The following MARCHF1 variants were observed in gnomAD, a reference collection of about 807,000 sequenced individuals.
MARCHF1 encodes membrane associated ring-CH-type finger 1.
In MARCHF1, 40 loss-of-function variants were observed where a neutral mutation model predicts 54.2. The ratio of observed to expected loss-of-function variants is 0.74; its 90% CI spans 0.57 to 0.96. The LOEUF (loss-of-function observed/expected upper bound fraction) is 0.96, where lower values mean the gene tolerates loss of function less well. Ranked by LOEUF, MARCHF1 falls within the 40% of genes least tolerant of loss-of-function variation. The pLI, the probability that MARCHF1 is intolerant of heterozygous loss-of-function variation, is 0.00. For synonymous variants in MARCHF1, 236 were observed against 236.3 expected (o/e 1.00, Z 0.01); for missense variants, 586 against 656.5 (o/e 0.89, Z 1.17).
At position 163,993,532 on chromosome 4, in the gene MARCHF1, G is replaced by A. The variant is rs539579046; in HGVS notation, c.-247-4823C>T. On this transcript the variant is annotated intron_variant, in intron 2 of 9. Transcript: ENST00000514618. ...TTGGCCACATATATTTTCTGAAGTT[G>A]AGCAGATTACAACATAGCCAAGACA... Among the ~76,000 whole-genome samples the A allele has an allele frequency of 2.0e-5, 3 of 152,168 alleles. No homozygotes were observed. In the East Asian group the frequency reaches 5.8e-4, roughly 29 times the overall value.
At chr4:164,203,033 G>A (rs963324879) in intron 1 of MARCHF1, among the ~76,000 whole-genome samples, 1 of 151,896 alleles carries the variant, frequency 6.6e-6, no homozygotes, top group Non-Finnish European at 1.5e-5. Flanking sequence ...AGTAGATTGA[G>A]TTTCTGATTT....
At position 163,683,365 on chromosome 4, in the gene MARCHF1, C is replaced by T. The variant is rs374627461; in HGVS notation, c.162+17448G>A. On this transcript the variant is annotated intron_variant, in intron 5 of 9. Transcript: ENST00000514618. ...CATATTCACTATCACAAGAACAGCA[C>T]GGGAAAGACCTGCCCCCATGATTCA... 5.0e-3 allele frequency among the ~76,000 whole-genome samples: 763 copies of T among 152,160 alleles called. 7 individuals carry two copies. The highest frequency in any genetic ancestry group is 0.015 in the African/African-American group (638 of 41,512).
intron 1 of MARCHF1, among the ~76,000 whole-genome samples, chr4:164,236,169 C>T (rs1002594882): frequency 6.6e-5 from 10 of 152,090 alleles, no homozygotes; most frequent in African/African-American, 2.4e-4. Context: ...CTAGTTTATG[C>T]TCTATAAAGC....
intron 5 of MARCHF1, among the ~76,000 whole-genome samples, chr4:163,680,312 AC>A (rs1442172397): frequency 2.0e-5 from 3 of 152,186 alleles, no homozygotes; most frequent in Non-Finnish European, 4.4e-5. Flanking sequence ...CGCTTAACCT[AC>A]CCAGAAAGCC....
intron 1 of MARCHF1, among the ~76,000 whole-genome samples, chr4:164,221,712 C>A (rs1732118179): frequency 1.3e-5 from 2 of 151,898 alleles, no homozygotes; most frequent in African/African-American, 4.8e-5. Context: ...ATACTCTTCC[C>A]TGTTGCCTCA....
intron 3 of MARCHF1, among the ~76,000 whole-genome samples, chr4:163,893,515 A>AT (rs1351101939): frequency 6.6e-6 from 1 of 152,194 alleles, no homozygotes; most frequent in Admixed American, 6.5e-5. Context: ...GTCTCCACTC[A>AT]TAAGATGTGC....
intron 3 of MARCHF1, among the ~76,000 whole-genome samples, chr4:163,875,861 GGCAATTTA>G (rs1266028446): frequency 1.3e-5 from 2 of 152,032 alleles, no homozygotes; most frequent in Non-Finnish European, 2.9e-5. Flanking sequence ...ACCAAAGAGA[GGCAATTTA>G]GCAAACCTTG....
chr4:163,847,739 C>A (rs1173569007), intron 4 of MARCHF1, among the ~76,000 whole-genome samples: 2 of 151,860 alleles, frequency 1.3e-5, no homozygotes, highest in African/African-American at 4.8e-5. Flanking sequence ...TGCCACCAGG[C>A]CTGGCTAACT....
At chr4:164,302,653 G>T (rs188344557) in intron 1 of MARCHF1, among the ~76,000 whole-genome samples, 48 of 152,158 alleles carry the variant, frequency 3.2e-4, no homozygotes, top group Admixed American at 1.2e-3. Flanking sequence ...TGAGGTAGGT[G>T]GATAACTTGA....
chr4:163,827,956 GTTGAT>G (rs1032029504), intron 4 of MARCHF1, among the ~76,000 whole-genome samples: 3 of 151,406 alleles, frequency 2.0e-5, no homozygotes, highest in African/African-American at 7.3e-5. Flanking sequence ...CGCTGATTCA[GTTGAT>G]TTAAGATGAC....
intron 2 of MARCHF1, among the ~76,000 whole-genome samples, chr4:164,068,864 T>G (rs1754790807): frequency 6.6e-6 from 1 of 152,204 alleles, no homozygotes; most frequent in Admixed American, 6.5e-5. Context: ...GTTAAGGGAT[T>G]GTAAATACAC....
At chr4:163,572,079 A>AAT (rs1413437334) in intron 8 of MARCHF1, among the ~76,000 whole-genome samples, 4 of 151,824 alleles carry the variant, frequency 2.6e-5, no homozygotes, top group Non-Finnish European at 5.9e-5. Context: ...CTACTTTTTA[A>AAT]ATTTAAAAAA....
intron 1 of MARCHF1, among the ~76,000 whole-genome samples, chr4:164,156,135 G>A (rs1486061987): frequency 6.6e-6 from 1 of 152,088 alleles, no homozygotes; most frequent in African/African-American, 2.4e-5. Flanking sequence ...GGGAAATCTG[G>A]GTTCAATTGT....
At chr4:163,847,295 A>G (rs1749512207) in intron 4 of MARCHF1, among the ~76,000 whole-genome samples, 1 of 152,208 alleles carries the variant, frequency 6.6e-6, no homozygotes, top group African/African-American at 2.4e-5. Flanking sequence ...AGATTATGAC[A>G]AAATTAAATG....
rs948485647 is a variant in MARCHF1 at position 164,047,825 on chromosome 4, G to A, written c.-247-59116C>T. ...TTTGATAAACTTAAGTTCATATTAT[G>A]CAATTTTTTGTGGGCAAATAATTAG... is the stretch of plus-strand genomic sequence containing the variant. On this transcript the variant is annotated intron_variant, in intron 2 of 9. Coordinates refer to ENST00000514618, the MANE Select transcript of MARCHF1 (RefSeq NM_001394959.1). Among the ~76,000 whole-genome samples the A allele has an allele frequency of 2.6e-5, 4 of 152,072 alleles. No homozygotes were observed. The South Asian group carries it at 6.2e-4, about 24-fold the overall frequency.
At chr4:164,365,602 A>G (rs1328283189) in intron 1 of MARCHF1, among the ~76,000 whole-genome samples, 1 of 152,052 alleles carries the variant, frequency 6.6e-6, no homozygotes, top group Non-Finnish European at 1.5e-5. Context: ...CTTTGTAAGC[A>G]CTACTTTATT....
chr4:163,656,467 A>G (rs1467310899), intron 5 of MARCHF1, among the ~76,000 whole-genome samples: 2 of 152,070 alleles, frequency 1.3e-5, no homozygotes, highest in Non-Finnish European at 2.9e-5. Flanking sequence ...GCCAAATTCT[A>G]CCAGAGGTAC....
intron 1 of MARCHF1, among the ~76,000 whole-genome samples, chr4:164,272,581 T>G (rs1425260055): frequency 6.6e-6 from 1 of 151,980 alleles, no homozygotes; most frequent in East Asian, 1.9e-4. Context: ...GAAATGTATT[T>G]AGAAATAGAT....
At chr4:164,220,033 C>T (rs1010887052) in intron 1 of MARCHF1, among the ~76,000 whole-genome samples, 1 of 151,806 alleles carries the variant, frequency 6.6e-6, no homozygotes, top group Non-Finnish European at 1.5e-5. Context: ...TGTATCTAAA[C>T]TAGCAATCTT....
Sources: allele counts gnomAD v4.1 joint callset (sites outside exome capture counted in the v4.1 genomes callset), GRCh38; gene constraint gnomAD v4.1.1; transcripts MANE v1.5; gene names NCBI Gene and HGNC (gene_info 2026-07-23, HGNC 2026-07-21).